The following EHMT1 variants were observed in gnomAD, a reference collection of about 807,000 sequenced individuals.
EHMT1 encodes histone-lysine N-methyltransferase EHMT1.
Under a neutral mutation model 147.2 loss-of-function variants are expected in EHMT1, and 15 were observed. The ratio of observed to expected loss-of-function variants is 0.10; its 90% CI spans 0.07 to 0.16. The LOEUF (loss-of-function observed/expected upper bound fraction) is 0.16. EHMT1 is among the 10% of genes least tolerant of loss of function. EHMT1 has a pLI of 1.00. For missense variants in EHMT1, 1,587 were observed against 1,772.4 expected, an observed-to-expected ratio of 0.90 and a Z score of 1.88; for synonymous variants, 795 against 709.6, an observed-to-expected ratio of 1.12 and a Z score of -1.91.
chr9:137,680,357 C>T (rs1754415058), intron 1 of EHMT1, among the ~76,000 whole-genome samples: 1 of 152,092 alleles, frequency 6.6e-6, no homozygotes, highest in Non-Finnish European at 1.5e-5. Context: ...CTTGTGATCC[C>T]AGCTACTTGG....
In EHMT1 at chr9:137,813,111, G is replaced by A. The variant is rs755184801; in HGVS notation, c.2973G>A (p.Met991Ile). The A allele has an allele frequency of 6.1e-5, 98 of 1,613,226 alleles. No individual in the cohort carries two copies. The highest frequency in any genetic ancestry group is 7.8e-5 in the Non-Finnish European group (92 of 1,180,048). Residue 991 changes from methionine (M) to isoleucine (I), a missense_variant, in exon 20 of 27, where the codon ATG (methionine) becomes ATA (isoleucine). Met to Ile is a conservative substitution (Grantham distance 10). Transcript: ENST00000460843. The surrounding 1 kb of genome is among the most constrained non-coding windows in gnomAD (Gnocchi z 4.9). ...CTCAGGTGTGGAGCGCTCTGCAGAT[G>A]AGCAAGGCTCTGCAGGACTCGGCCC... is the stretch of plus-strand genomic sequence containing the variant. ...LNSQVWSALQ[M>I]SKALQDSAPD...
intron 25 of EHMT1, among the ~76,000 whole-genome samples, chr9:137,825,015 C>T (rs895956045): frequency 6.6e-6 from 1 of 152,176 alleles, no homozygotes; most frequent in South Asian, 2.1e-4. Context: ...GGTGTCCTTA[C>T]CCTGTCTAAT....
At chr9:137,714,491 G>T (rs1444408845) in intron 2 of EHMT1, among the ~76,000 whole-genome samples, 2 of 150,208 alleles carry the variant, frequency 1.3e-5, no homozygotes, top group Admixed American at 1.3e-4. Context: ...CTTGTTCATG[G>T]TTTAATCCTC....
chr9:137,727,800 T>A (rs1311709469), intron 3 of EHMT1, among the ~76,000 whole-genome samples: 1 of 152,198 alleles, frequency 6.6e-6, no homozygotes, highest in Non-Finnish European at 1.5e-5. Flanking sequence ...AAAGGCAGAT[T>A]TAGGAGATCA....
rs574989066 is a variant in EHMT1, at chr9:137,719,296, C to T, written c.642+2114C>T. 2.6e-4 allele frequency among the ~76,000 whole-genome samples: 39 copies of T among 152,128 alleles called. No individual in the cohort carries two copies. In the Middle Eastern group the frequency reaches 0.017, roughly 66 times the overall value. ...TCAGCCTGACTATGAGTGCTGTGTGCGTTTTCTGTGGCCTGTCTGCAGTGA... is the reference window on the plus strand; with the variant it reads ...TCAGCCTGACTATGAGTGCTGTGTGTGTTTTCTGTGGCCTGTCTGCAGTGA... On this transcript the variant is annotated intron_variant, in intron 3 of 26. Transcript: ENST00000460843.
chr9:137,676,925 T>C (rs1161242379), intron 1 of EHMT1, among the ~76,000 whole-genome samples: 3 of 152,132 alleles, frequency 2.0e-5, no homozygotes, highest in African/African-American at 7.2e-5. Context: ...AAAACCTTGC[T>C]CTACTCACCC....
chr9:137,727,084 T>A (rs1050162843), intron 3 of EHMT1, among the ~76,000 whole-genome samples: 1 of 152,370 alleles, frequency 6.6e-6, no homozygotes, highest in East Asian at 1.9e-4. Flanking sequence ...AGATGTTTTC[T>A]CCATTCCATA....
In EHMT1 at chr9:137,816,165, C is replaced by T. The variant is rs530024451; in HGVS notation, c.3374+103C>T. ...CAAGAACTTAACGTGTTTGGATGCA[C>T]GCACATGTGTGTTTGCAGATAGAGC... On this transcript the variant is annotated intron_variant, in intron 23 of 26. Transcript: ENST00000460843. 37 of 1,013,182 alleles carry T rather than the reference C, an allele frequency of 3.7e-5. No homozygotes were observed. In the South Asian group the frequency reaches 4.5e-4, roughly 12 times the overall value. The allele number at this position is 1,013,182 out of a possible 1,614,324, so 62.8% of individuals were successfully genotyped here. A position where few individuals can be genotyped will look rare whatever the true frequency, so the allele number is the denominator to read the frequency against.
At chr9:137,646,357 T>C in intron 1 of EHMT1, 2 of 985,528 alleles carry the variant, frequency 2.0e-6, no homozygotes, top group Non-Finnish European at 2.4e-6. Flanking sequence ...CTGAGGAACA[T>C]TTCAAGTTTG....
chr9:137,686,147 G>A lies in EHMT1; in HGVS notation c.22-24820G>A, dbSNP rs182788613. Among the ~76,000 whole-genome samples the A allele has an allele frequency of 3.8e-3, 576 of 152,194 alleles. 3 individuals carry two copies. Among genetic ancestry groups the A allele is most frequent in the Non-Finnish European group, 6.2e-3 (419 of 68,006 alleles). Reference sequence around the variant, plus strand: ...ACATGATTTGGAAGTATTTTCTCTCGTTCCTTAAGTTGTCTTTTTATTTCT... The same window carrying A: ...ACATGATTTGGAAGTATTTTCTCTCATTCCTTAAGTTGTCTTTTTATTTCT... On this transcript the variant is annotated intron_variant, in intron 1 of 26. Coordinates refer to ENST00000460843, the MANE Select transcript of EHMT1 (RefSeq NM_024757.5).
chr9:137,801,126 T>A, intron 18 of EHMT1, 142 bp downstream of exon 18: 1 of 742,942 alleles, frequency 1.3e-6, no homozygotes, highest in Non-Finnish European at 2.3e-6. Context: ...GGCCCGGCAC[T>A]GTGCTGTGGC....
chr9:137,745,602 C>T (rs1588490186), intron 6 of EHMT1: 1 of 398,624 alleles, frequency 2.5e-6, no homozygotes, highest in African/African-American at 2.1e-5. Context: ...GACAGGCAGC[C>T]CTGACTGCAC....
At chr9:137,654,429 G>T (rs1938216369) in intron 1 of EHMT1, among the ~76,000 whole-genome samples, 1 of 137,854 alleles carries the variant, frequency 7.3e-6, no homozygotes, top group South Asian at 2.2e-4. Context: ...CCATAAATAT[G>T]TGAGTCTGTT....
At chr9:137,754,408 TA>T (rs890588962) in intron 8 of EHMT1, 117 bp downstream of exon 8, 40 of 1,415,076 alleles carry the variant, frequency 2.8e-5, no homozygotes, top group Non-Finnish European at 3.2e-5. Context: ...CATCACTGTT[TA>T]AAAAAAATGT....
chr9:137,678,090 A>AATC (rs940805443), intron 1 of EHMT1, among the ~76,000 whole-genome samples: 2 of 151,926 alleles, frequency 1.3e-5, no homozygotes, highest in Non-Finnish European at 2.9e-5. Context: ...TAATAATAAT[A>AATC]ATGTTGTCAA....
chr9:137,630,489 T>A (rs1039512142), intron 1 of EHMT1, among the ~76,000 whole-genome samples: 2 of 152,160 alleles, frequency 1.3e-5, no homozygotes, highest in Non-Finnish European at 2.9e-5. Context: ...TGAATTGGCA[T>A]GAGAAGGTGG....
chr9:137,775,521 T>C lies in EHMT1; in HGVS notation c.1791+269T>C, dbSNP rs966284535. Among the ~76,000 whole-genome samples, 4 of 151,012 alleles carry C rather than the reference T, an allele frequency of 2.6e-5. No individual in the cohort carries two copies. Among genetic ancestry groups the C allele is most frequent in the Admixed American group, 6.6e-5 (1 of 15,182 alleles). Reference sequence around the variant, plus strand: ...TGACTAGGACGGTGTGACCTGGGCTTCCAGGCCAGAGGAGGGAAGTGAGGG... The same window carrying C: ...TGACTAGGACGGTGTGACCTGGGCTCCCAGGCCAGAGGAGGGAAGTGAGGG... On this transcript the variant is annotated intron_variant, in intron 11 of 26. Coordinates refer to ENST00000460843, the MANE Select transcript of EHMT1 (RefSeq NM_024757.5). This position sits in a 1 kb window ranked among gnomAD's most constrained non-coding sequence, Gnocchi z 6.1.
intron 1 of EHMT1, among the ~76,000 whole-genome samples, chr9:137,669,601 G>A (rs778040108): frequency 1.2e-3 from 171 of 145,944 alleles, no homozygotes; most frequent in Non-Finnish European, 2.2e-3. Context: ...GGGCGCAGCC[G>A]CTCCAGCAGC....
At chr9:137,711,054 A>G in intron 2 of EHMT1, 24 bp downstream of exon 2, 5 of 1,576,442 alleles carry the variant, frequency 3.2e-6, no homozygotes, top group Non-Finnish European at 2.6e-6. Flanking sequence ...GCACCGAGGG[A>G]CAGGAGCAGC....
Sources: gnomAD v4.1 joint callset for allele counts (sites outside exome capture counted in the v4.1 genomes callset) on GRCh38, gnomAD v4.1.1 for gene constraint, Gnocchi (gnomAD v3.1) non-coding constraint, MANE v1.5 for transcripts, NCBI Gene and HGNC (gene_info 2026-07-23, HGNC 2026-07-21) for gene names.